The following TMEM87B variants were observed in gnomAD, a reference collection of about 807,000 sequenced individuals.
TMEM87B encodes transmembrane protein 87B.
TMEM87B carries 83 observed loss-of-function variants against 80.3 expected under a neutral mutation model. That is an observed-to-expected ratio of 1.03 (90% CI 0.87 to 1.24). TMEM87B has a LOEUF of 1.24. Among genes scored for constraint, TMEM87B ranks in the 50% most tolerant of loss-of-function variants. The probability of loss-of-function intolerance (pLI) is 0.00; values close to 1 mark genes in which losing one functional copy is unlikely to be tolerated. For synonymous variants in TMEM87B, 219 were observed against 230.5 expected (o/e 0.95, Z 0.45); for missense variants, 625 against 674.4 (o/e 0.93, Z 0.81).
chr2:112,110,080 G>T (rs553806659), intron 17 of TMEM87B, among the ~76,000 whole-genome samples: 1 of 152,084 alleles, frequency 6.6e-6, no homozygotes, highest in South Asian at 2.1e-4. Flanking sequence ...ACTTATTTTT[G>T]ACATTTTGGT....
chr2:112,064,825 T>C (rs903149029), intron 3 of TMEM87B, among the ~76,000 whole-genome samples: 3 of 152,212 alleles, frequency 2.0e-5, no homozygotes, highest in Non-Finnish European at 4.4e-5. Flanking sequence ...TTGGGATTGT[T>C]TCCTTTTCAG....
intron 14 of TMEM87B, among the ~76,000 whole-genome samples, chr2:112,099,073 G>A (rs1298505680): frequency 6.6e-6 from 1 of 152,176 alleles, no homozygotes; most frequent in Admixed American, 6.5e-5. Flanking sequence ...ATATTGGAGG[G>A]AGATCAAGCT....
At chr2:112,080,456 TC>T (rs769207360) in intron 6 of TMEM87B, among the ~76,000 whole-genome samples, 3 of 151,168 alleles carry the variant, frequency 2.0e-5, no homozygotes, top group Non-Finnish European at 2.9e-5. Flanking sequence ...AGACGGTGTT[TC>T]ACCGTGTTAG....
chr2:112,060,460 TTTG>T (rs1220396298), intron 2 of TMEM87B, among the ~76,000 whole-genome samples: 1 of 152,172 alleles, frequency 6.6e-6, no homozygotes, highest in Non-Finnish European at 1.5e-5. Flanking sequence ...AAGCAAATGT[TTTG>T]TTTTTAAGTA....
In TMEM87B at chr2:112,095,165, C is replaced by CTTTTTTTTTTTTTTTTTTTTTTTTT. The variant is rs749222333; in HGVS notation, c.1105-1856_1105-1832dup. The CTTTTTTTTTTTTTTTTTTTTTTTTT allele has an allele frequency of 5.9e-5, 32 of 540,882 alleles. 7 individuals are homozygous for CTTTTTTTTTTTTTTTTTTTTTTTTT. Among genetic ancestry groups the CTTTTTTTTTTTTTTTTTTTTTTTTT allele is most frequent in the Admixed American group, 3.5e-4 (1 of 2,864 alleles). 33.5% of individuals were successfully genotyped at this position (540,882 alleles called of 1,614,324 possible). The stretch of plus-strand genomic sequence containing the variant: ...CGTTTCTCTTTTCTTTTCTTTCTTT[C>CTTTTTTTTTTTTTTTTTTTTTTTTT]TTTTTTTTTTTTTTTTTTTTTTTTT... On this transcript the variant is annotated intron_variant, in intron 11 of 18. Coordinates refer to ENST00000283206, the MANE Select transcript of TMEM87B (RefSeq NM_032824.3).
At chr2:112,072,526 A>G (rs1257592494) in intron 4 of TMEM87B, among the ~76,000 whole-genome samples, 2 of 152,032 alleles carry the variant, frequency 1.3e-5, no homozygotes, top group African/African-American at 2.4e-5. Context: ...TAATTTATCC[A>G]TTTATTCTAA....
chr2:112,106,020 G>A lies in TMEM87B; in HGVS notation c.1469G>A (p.Arg490Lys). 1 of 1,572,482 alleles carries A rather than the reference G, an allele frequency of 6.4e-7. No individual in the cohort carries two copies. The highest frequency in any genetic ancestry group is 8.6e-7 in the Non-Finnish European group (1 of 1,164,510). ...SENLTEGIKL[R>K]ASKSVSNGTA... Reference sequence around the variant, plus strand: ...CTCGTAGCCGAAGGAATAAAATTAAGAGCCTCAAAATCAGTTTCCAATGGA... The same window carrying A: ...CTCGTAGCCGAAGGAATAAAATTAAAAGCCTCAAAATCAGTTTCCAATGGA... The change falls in exon 16 of 19, where the codon AGA becomes AAA. Residue 490 changes from arginine (R) to lysine (K), a missense_variant. Transcript: ENST00000283206.
At chr2:112,105,931 C>T in intron 15 of TMEM87B, 71 bp from the exon 16 acceptor site, 1 of 1,087,810 alleles carries the variant, frequency 9.2e-7, no homozygotes, top group Non-Finnish European at 1.3e-6. Flanking sequence ...TTTTTCTTAT[C>T]AGATTATTAA....
Position 112,064,168 on chromosome 2 carries a change from C to G in TMEM87B, c.233C>G (p.Ser78Ter). The G allele has an allele frequency of 1.9e-6, 3 of 1,613,268 alleles. No individual in the cohort carries two copies. Among genetic ancestry groups the G allele is most frequent in the Non-Finnish European group, 1.7e-6 (2 of 1,179,598 alleles). ...NSTDIKLSVKSFHCSGPVKFT... is the reference protein window; with the variant it reads ...NSTDIKLSVK ...ACTTTCTTTTTCTAAACAGTTAAGTCATTCCATTGTTCTGGGCCTGTGAAG... is the reference window on the plus strand; with the variant it reads ...ACTTTCTTTTTCTAAACAGTTAAGTGATTCCATTGTTCTGGGCCTGTGAAG... The change falls in exon 3 of 19, where the codon TCA becomes TGA. Residue 78 changes from serine (S) to a stop codon, truncating the protein, a stop_gained. Coordinates refer to ENST00000283206, the MANE Select transcript of TMEM87B (RefSeq NM_032824.3). LOFTEE classifies it high-confidence loss of function.
intron 8 of TMEM87B, 117 bp from the exon 9 acceptor site, chr2:112,085,888 G>A (rs1679130345): frequency 1.4e-6 from 1 of 733,748 alleles, no homozygotes; most frequent in Non-Finnish European, 2.2e-6. Flanking sequence ...TAAATCAAAT[G>A]TGGCTGATTG....
chr2:112,070,633 GGTTA>G (rs1678594401), intron 4 of TMEM87B, among the ~76,000 whole-genome samples: 1 of 152,122 alleles, frequency 6.6e-6, no homozygotes, highest in East Asian at 1.9e-4. Context: ...TGTTCCTTTT[GGTTA>G]GGATTGCCTT....
chr2:112,096,343 C>CT (rs1413998755), intron 11 of TMEM87B, among the ~76,000 whole-genome samples: 3 of 152,114 alleles, frequency 2.0e-5, no homozygotes, highest in Non-Finnish European at 4.4e-5. Flanking sequence ...ATCGGTGTGT[C>CT]TAGTCCCACC....
chr2:112,099,196 C>T (rs1479868660), intron 14 of TMEM87B, among the ~76,000 whole-genome samples: 4 of 152,010 alleles, frequency 2.6e-5, no homozygotes, highest in Non-Finnish European at 4.4e-5. Context: ...ATCCCTTTGC[C>T]CCAAGGAGAG....
intron 5 of TMEM87B, among the ~76,000 whole-genome samples, chr2:112,075,846 A>C (rs1472601192): frequency 3.9e-5 from 6 of 152,340 alleles, no homozygotes; most frequent in Non-Finnish European, 8.8e-5. Context: ...AAAATCTGTC[A>C]TATGATGAGG....
rs988732938 is a variant in TMEM87B at position 112,075,426 on chromosome 2, A to C, written c.501+464A>C. ...AAAAAAAGTTTTCTTATATATGTCT[A>C]TATGAATTTTGTATATACTGTTACT... On this transcript the variant is annotated intron_variant, in intron 5 of 18. Coordinates refer to ENST00000283206, the MANE Select transcript of TMEM87B (RefSeq NM_032824.3). Among the ~76,000 whole-genome samples the C allele has an allele frequency of 2.0e-5, 3 of 152,126 alleles. No individual in the cohort carries two copies. The East Asian group carries it at 5.8e-4, about 29-fold the overall frequency.
chr2:112,098,296 G>A (rs1282054752), intron 13 of TMEM87B, among the ~76,000 whole-genome samples: 1 of 152,044 alleles, frequency 6.6e-6, no homozygotes, highest in African/African-American at 2.4e-5. Flanking sequence ...GAAGAGGCTG[G>A]GCCTTCTGAC....
At position 112,085,878 on chromosome 2, in the gene TMEM87B, T is replaced by G. The variant is rs1679130127; in HGVS notation, c.839-127T>G. The G allele has an allele frequency of 4.9e-5, 35 of 709,478 alleles. No individual in the cohort carries two copies. In the South Asian group the frequency reaches 6.9e-4, roughly 14 times the overall value. 43.9% of individuals were successfully genotyped at this position (709,478 alleles called of 1,614,324 possible). The stretch of plus-strand genomic sequence containing the variant: ...AGCATCAGTTGGATTCAGTGACTTT[T>G]AAATCAAATGTGGCTGATTGGTCTG... On this transcript the variant is annotated intron_variant, in intron 8 of 18. Transcript: ENST00000283206.
At chr2:112,112,995 AAGAAG>A in intron 18 of TMEM87B, 66 bp downstream of exon 18, 2 of 1,461,930 alleles carry the variant, frequency 1.4e-6, no homozygotes, top group Non-Finnish European at 1.9e-6. Context: ...GTATTTCAGA[AAGAAG>A]TTCTGAAAGC....
At chr2:112,100,233 C>T (rs570559847) in intron 14 of TMEM87B, among the ~76,000 whole-genome samples, 6 of 152,228 alleles carry the variant, frequency 3.9e-5, no homozygotes, top group Non-Finnish European at 4.4e-5. Context: ...GAAATGTGGC[C>T]CATTCAGTGG....
Sources: allele counts gnomAD v4.1 joint callset (sites outside exome capture counted in the v4.1 genomes callset), GRCh38; gene constraint gnomAD v4.1.1; transcripts MANE v1.5; gene names NCBI Gene and HGNC (gene_info 2026-07-23, HGNC 2026-07-21).